Variants in ASB5 observed in about 807,000 individuals in gnomAD.
ASB5 encodes the protein ankyrin repeat and SOCS box protein 5.
Under a neutral mutation model 42.1 loss-of-function variants are expected in ASB5, and 45 were observed. The observed-to-expected ratio is 1.07, with a 90% CI of 0.84 to 1.37. ASB5 has a LOEUF of 1.37. Among genes scored for constraint, ASB5 ranks in the 40% most tolerant of loss-of-function variants. The probability of loss-of-function intolerance (pLI) is 0.00; values close to 1 mark genes in which losing one functional copy is unlikely to be tolerated. For missense variants in ASB5, 402 were observed against 399.8 expected (o/e 1.01, Z -0.05); for synonymous variants, 147 against 150.6 (o/e 0.98, Z 0.18).
chr4:176,221,771 AACAG>A (rs1306502031), intron 3 of ASB5, among the ~76,000 whole-genome samples, 171 bp from the exon 4 acceptor site: 1 of 152,220 alleles, frequency 6.6e-6, no homozygotes, highest in Non-Finnish European at 1.5e-5. Flanking sequence ...AAAGCTGTAA[AACAG>A]ACAGAAATAT....
chr4:176,263,533 T>C (rs1245741383), intron 1 of ASB5, among the ~76,000 whole-genome samples: 1 of 152,186 alleles, frequency 6.6e-6, no homozygotes, highest in Non-Finnish European at 1.5e-5. Flanking sequence ...GAGTATAATG[T>C]CATGTATTTT....
At chr4:176,263,122 G>A (rs1284161184) in intron 1 of ASB5, among the ~76,000 whole-genome samples, 1 of 152,068 alleles carries the variant, frequency 6.6e-6, no homozygotes, top group Non-Finnish European at 1.5e-5. Flanking sequence ...GTTTCGGAGA[G>A]TTCTGGTTGT....
chr4:176,214,821 G>A lies in ASB5; in HGVS notation c.*779C>T, dbSNP rs1376790076. On this transcript the variant is annotated 3_prime_UTR_variant, in exon 7 of 7. Transcript: ENST00000296525. ...ATTGACAATTTCTGAAATGGAAGAA[G>A]GCTGGAGTAATATGCATATAACCGC... is the stretch of plus-strand genomic sequence containing the variant. The A allele has an allele frequency of 6.6e-6, 1 of 152,136 alleles. No individual in the cohort carries two copies. Among genetic ancestry groups the A allele is most frequent in the Admixed American group, 6.6e-5 (1 of 15,254 alleles). The allele number at this position is 152,136 out of a possible 1,614,324, so 9.4% of individuals were successfully genotyped here. A position where few individuals can be genotyped will look rare whatever the true frequency, so the allele number is the denominator to read the frequency against.
chr4:176,258,653 A>G (rs1754201017), intron 1 of ASB5, among the ~76,000 whole-genome samples: 1 of 152,182 alleles, frequency 6.6e-6, no homozygotes, highest in Non-Finnish European at 1.5e-5. Flanking sequence ...TATAAAGTAC[A>G]TAGTTTTTTT....
At chr4:176,245,181 A>C (rs1294979650) in intron 1 of ASB5, among the ~76,000 whole-genome samples, 1 of 152,224 alleles carries the variant, frequency 6.6e-6, no homozygotes, top group Non-Finnish European at 1.5e-5. Context: ...ATCTACAAAG[A>C]ACTTAAATAA....
upstream of ASB5, among the ~76,000 whole-genome samples, chr4:176,273,810 G>A (rs1190479776): frequency 6.6e-6 from 1 of 152,178 alleles, no homozygotes; most frequent in African/African-American, 2.4e-5. Flanking sequence ...GCATATATAA[G>A]AGTTTAAAAA....
intron 5 of ASB5, among the ~76,000 whole-genome samples, chr4:176,219,643 C>T (rs1290798148): frequency 3.8e-5 from 5 of 132,070 alleles, no homozygotes; most frequent in African/African-American, 5.7e-5. Flanking sequence ...GGCACGATCT[C>T]GGCTCACTGT....
chr4:176,260,161 A>G (rs575582256), intron 1 of ASB5, among the ~76,000 whole-genome samples: 5 of 152,358 alleles, frequency 3.3e-5, no homozygotes, highest in African/African-American at 1.2e-4. Flanking sequence ...TTACTATTTT[A>G]AAGCCCAACT....
chr4:176,274,360 G>A (rs1022162889), intron 2 of ASB5, among the ~76,000 whole-genome samples: 2 of 151,712 alleles, frequency 1.3e-5, no homozygotes, highest in African/African-American at 4.8e-5. Context: ...TCACTTGTAC[G>A]GAAAAAAAAC....
intron 1 of ASB5, among the ~76,000 whole-genome samples, chr4:176,231,254 G>GA (rs1193460952): frequency 4.7e-5 from 7 of 149,804 alleles, no homozygotes; most frequent in East Asian, 3.9e-4. Context: ...AGCAAGAAAA[G>GA]AAAAAATCAC....
chr4:176,239,212 C>T (rs945897441), intron 1 of ASB5, among the ~76,000 whole-genome samples: 4 of 152,058 alleles, frequency 2.6e-5, no homozygotes, highest in African/African-American at 4.8e-5. Context: ...GGCTCTTTGT[C>T]GCCTGGTTTG....
chr4:176,234,603 C>A (rs1380140870), intron 1 of ASB5, among the ~76,000 whole-genome samples: 2 of 152,266 alleles, frequency 1.3e-5, no homozygotes, highest in African/African-American at 4.8e-5. Context: ...ATTACCATAT[C>A]CTCAATACCT....
intron 1 of ASB5, among the ~76,000 whole-genome samples, chr4:176,236,044 G>GA (rs548323446): frequency 7.3e-5 from 11 of 151,320 alleles, no homozygotes; most frequent in African/African-American, 9.7e-5. Flanking sequence ...AAGGCATGTC[G>GA]AAAAAAAATT....
intron 2 of ASB5, among the ~76,000 whole-genome samples, chr4:176,274,521 G>A (rs1754531119): frequency 6.6e-6 from 1 of 152,192 alleles, no homozygotes; most frequent in Non-Finnish European, 1.5e-5. Context: ...GAAGTACTGA[G>A]ATTCCCACCC....
rs6834533 is a variant in ASB5, at chr4:176,240,755, C to T, written c.197-15414G>A. Among the ~76,000 whole-genome samples the T allele has an allele frequency of 6.1e-3, 922 of 152,284 alleles. 7 individuals carry two copies. Among genetic ancestry groups the T allele is most frequent in the African/African-American group, 0.02 (816 of 41,560 alleles). On this transcript the variant is annotated intron_variant, in intron 1 of 6. Transcript: ENST00000296525. ...CACAACCAATTACAAACTTAAAGAG[C>T]TCACTGCTTCCAAGAAGTGGTATTT...
upstream of ASB5, among the ~76,000 whole-genome samples, chr4:176,273,422 CATA>C (rs1008155240): frequency 6.6e-6 from 1 of 151,838 alleles, no homozygotes; most frequent in Non-Finnish European, 1.5e-5. Flanking sequence ...CTACTGAAAA[CATA>C]ATCCTCATTT....
In ASB5 at chr4:176,241,346, T is replaced by C. The variant is rs1168908854; in HGVS notation, c.197-16005A>G. ...GAACGTCATTTTAAAAGTGTAAGTT[T>C]CCCATCCTTAGAAAAAAAATGAATG... On this transcript the variant is annotated intron_variant, in intron 1 of 6. Coordinates refer to ENST00000296525, the MANE Select transcript of ASB5 (RefSeq NM_080874.4). 9.8e-6 allele frequency: 8 copies of C among 813,538 alleles called. No homozygotes were observed. The African/African-American group carries it at 1.2e-4, about 12-fold the overall frequency. The allele number at this position is 813,538 out of a possible 1,614,324, so 50.4% of individuals were successfully genotyped here.
Position 176,231,047 on chromosome 4 carries a change from C to T in ASB5, c.197-5706G>A, listed in dbSNP as rs185370533. 1.2e-4 allele frequency among the ~76,000 whole-genome samples: 18 copies of T among 152,288 alleles called. No homozygotes were observed. The East Asian group carries it at 3.3e-3, about 28-fold the overall frequency. On this transcript the variant is annotated intron_variant, in intron 1 of 6. Transcript: ENST00000296525. ...TTTAGAAGCAACTCTTGTTCCCAGA[C>T]ATCTGGTATATAATTTACAGGGAGA... is the stretch of plus-strand genomic sequence containing the variant.
At position 176,214,381 on chromosome 4, in the gene ASB5, A is replaced by G. The variant is rs1237902178; in HGVS notation, c.*1219T>C. On this transcript the variant is annotated 3_prime_UTR_variant, in exon 7 of 7. Coordinates refer to ENST00000296525, the MANE Select transcript of ASB5 (RefSeq NM_080874.4). ...CGTTGATTATCTTATTTCTAAAATC[A>G]TAATAGGCCCTGAATTACAAAACAG... 1 of 152,140 alleles carries G rather than the reference A, an allele frequency of 6.6e-6. No individual in the cohort carries two copies. The highest frequency in any genetic ancestry group is 1.5e-5 in the Non-Finnish European group (1 of 68,002). The allele number at this position is 152,140 out of a possible 1,614,324, so 9.4% of individuals were successfully genotyped here. A position where few individuals can be genotyped will look rare whatever the true frequency, so the allele number is the denominator to read the frequency against.
Sources: gnomAD v4.1 joint callset for allele counts (sites outside exome capture counted in the v4.1 genomes callset) on GRCh38, gnomAD v4.1.1 for gene constraint, MANE v1.5 for transcripts, NCBI Gene and HGNC (gene_info 2026-07-23, HGNC 2026-07-21) for gene names.